MUC13: variants seen among roughly 807,000 people sequenced by gnomAD.
The protein encoded by MUC13 is mucin-13.
MUC13 carries 32 observed loss-of-function variants against 48.3 expected under a neutral mutation model. The ratio of observed to expected loss-of-function variants is 0.66; its 90% confidence interval spans 0.50 to 0.89. The LOEUF (loss-of-function observed/expected upper bound fraction) is 0.89, where lower values mean the gene tolerates loss of function less well. MUC13 is among the 40% of genes least tolerant of loss of function. The pLI is 0.00. For synonymous variants in MUC13, 199 were observed against 224.9 expected (o/e 0.88, Z 1.03); for missense variants, 571 against 622.8 (o/e 0.92, Z 0.88).
Position 124,927,587 on chromosome 3 carries a change from T to C in MUC13, c.459A>G (p.Ser153=). 1 of 1,614,246 alleles carries C rather than the reference T, an allele frequency of 6.2e-7. No homozygotes were observed. The highest frequency in any genetic ancestry group is 8.5e-7 in the Non-Finnish European group (1 of 1,180,036). The change falls in exon 2 of 12, where the codon TCA becomes TCG. Residue 153 remains serine, a synonymous_variant. Transcript: ENST00000616727. ...EMSPTTEDNQ[S]SGPPTGTALL... is the part of the protein sequence containing the mutation. ...AAGCGGTGCCAGTGGGAGGCCCTGA[T>C]GATTGATTGTCTTCTGTGGTGGGGG...
At position 124,923,102 on chromosome 3, in the gene MUC13, G is replaced by GAAAA. The variant is rs60674640; in HGVS notation, c.637+421_637+424dup. Among the ~76,000 whole-genome samples, 61 of 141,618 alleles carry GAAAA rather than the reference G, an allele frequency of 4.3e-4. 1 individual carries two copies. Among genetic ancestry groups the GAAAA allele is most frequent in the African/African-American group, 9.7e-4 (37 of 38,228 alleles). The allele number at this position is 141,618 out of a possible 152,430, so 92.9% of individuals were successfully genotyped here. On this transcript the variant is annotated intron_variant, in intron 3 of 11. Transcript: ENST00000616727. ...GAAGATATTTCTCATTCATAAAACAGAAAAAAAAAAAAAACAGAACTCAGA... is the reference window on the plus strand; with the variant it reads ...GAAGATATTTCTCATTCATAAAACAGAAAAAAAAAAAAAAAAAACAGAACTCAGA...
intron 4 of MUC13, 148 bp downstream of exon 4, chr3:124,922,049 G>A (rs1360823820): frequency 1.1e-6 from 1 of 920,508 alleles, no homozygotes; most frequent in Non-Finnish European, 1.5e-6. Context: ...GACAGCTGCT[G>A]TTTACCGACC....
intron 2 of MUC13, 25 bp downstream of exon 2, chr3:124,927,507 G>A (rs1452693676): frequency 4.4e-6 from 7 of 1,603,208 alleles, no homozygotes; most frequent in East Asian, 2.2e-5. Flanking sequence ...CATCCTTGGG[G>A]AGTCTTTGAG....
At chr3:124,915,833 G>T (rs1305422089) in intron 6 of MUC13, among the ~76,000 whole-genome samples, 1 of 152,064 alleles carries the variant, frequency 6.6e-6, no homozygotes. Context: ...CCACAGACCT[G>T]CACCACCACA....
At chr3:124,929,001 T>C (rs138209492) in intron 1 of MUC13, among the ~76,000 whole-genome samples, 1 of 152,280 alleles carries the variant, frequency 6.6e-6, no homozygotes, top group Non-Finnish European at 1.5e-5. Flanking sequence ...CTAGTAGTGT[T>C]TTCCCATTCA....
intron 1 of MUC13, among the ~76,000 whole-genome samples, chr3:124,931,937 T>A (rs34325787): frequency 0.24 from 34,757 of 146,884 alleles, 4,327 homozygotes; most frequent in Middle Eastern, 0.36. Context: ...CCCAGCTACT[T>A]GGGAAGCTGA....
chr3:124,926,760 C>T (rs187657955), intron 2 of MUC13, among the ~76,000 whole-genome samples: 6 of 152,184 alleles, frequency 3.9e-5, no homozygotes, highest in Non-Finnish European at 7.3e-5. Flanking sequence ...ATCTGACCAA[C>T]CTTTTGTTTG....
intron 2 of MUC13, among the ~76,000 whole-genome samples, chr3:124,924,061 A>C (rs1935649278): frequency 6.6e-6 from 1 of 152,228 alleles, no homozygotes; most frequent in Admixed American, 6.5e-5. Flanking sequence ...AAAGGTATGA[A>C]TAATTGTCAT....
intron 1 of MUC13, among the ~76,000 whole-genome samples, chr3:124,933,814 T>C (rs1935838296): frequency 1.3e-5 from 2 of 152,310 alleles, no homozygotes; most frequent in Admixed American, 6.5e-5. Context: ...CAGTGATTTT[T>C]CTGCAAAATT....
intron 1 of MUC13, among the ~76,000 whole-genome samples, chr3:124,929,170 C>CTTTTTTTTTTTTTTTTTTTTTTTT (rs1238533365): frequency 7.4e-6 from 1 of 134,400 alleles, no homozygotes; most frequent in African/African-American, 2.8e-5. Flanking sequence ...TTCCCCCACT[C>CTTTTTTTTTTTTTTTTTTTTTTTT]TTTTATTTTA....
chr3:124,916,826 G>A (rs1006980229), intron 5 of MUC13, among the ~76,000 whole-genome samples: 8 of 152,170 alleles, frequency 5.3e-5, no homozygotes, highest in African/African-American at 1.9e-4. Flanking sequence ...TACCTGAAAT[G>A]GGAAATTGTC....
In MUC13 at chr3:124,906,387, G is replaced by A. The variant is rs773264537; in HGVS notation, c.*356C>T. ...GTTTGCCCAGGAGCAAGCAATGCTGGGGAGCTTTCCTCTAGATTGGAAATG... is the reference window on the plus strand; with the variant it reads ...GTTTGCCCAGGAGCAAGCAATGCTGAGGAGCTTTCCTCTAGATTGGAAATG... On this transcript the variant is annotated 3_prime_UTR_variant, in exon 12 of 12. Transcript: ENST00000616727. 1 of 152,382 alleles carries A rather than the reference G, an allele frequency of 6.6e-6. No homozygotes were observed. The highest frequency in any genetic ancestry group is 1.5e-5 in the Non-Finnish European group (1 of 68,040). The allele number at this position is 152,382 out of a possible 1,614,324, so 9.4% of individuals were successfully genotyped here.
At chr3:124,916,622 C>CG in intron 5 of MUC13, 142 bp from the exon 6 acceptor site, 1 of 811,590 alleles carries the variant, frequency 1.2e-6, no homozygotes, top group Non-Finnish European at 2.0e-6. Flanking sequence ...ATATGGAGGC[C>CG]GGGGGCTGCA....
chr3:124,930,644 T>C (rs1322003706), intron 1 of MUC13, among the ~76,000 whole-genome samples: 2 of 152,210 alleles, frequency 1.3e-5, no homozygotes, highest in Admixed American at 1.3e-4. Flanking sequence ...GTACAAATCA[T>C]AGGTTTCAAT....
chr3:124,914,851 G>A (rs368866891), intron 6 of MUC13, among the ~76,000 whole-genome samples: 29 of 152,208 alleles, frequency 1.9e-4, no homozygotes, highest in Middle Eastern at 3.4e-3. Flanking sequence ...GCTTGAACCC[G>A]GGAGTTGGAG....
At chr3:124,933,010 G>T (rs1210310671) in intron 1 of MUC13, among the ~76,000 whole-genome samples, 4 of 152,016 alleles carry the variant, frequency 2.6e-5, no homozygotes, top group African/African-American at 9.7e-5. Context: ...AGTGGCTCCT[G>T]AAAGTCATAC....
At chr3:124,919,355 G>GTTT (rs1491182464) in intron 5 of MUC13, among the ~76,000 whole-genome samples, 2 of 119,420 alleles carry the variant, frequency 1.7e-5, no homozygotes, top group Non-Finnish European at 3.5e-5. Context: ...AAAAAAAAAT[G>GTTT]GTTTTTTTTT....
At chr3:124,912,985 G>T in intron 8 of MUC13, 126 bp downstream of exon 8, 4 of 786,552 alleles carry the variant, frequency 5.1e-6, no homozygotes, top group Non-Finnish European at 7.5e-6. Context: ...TGATGAGGAT[G>T]CTGTCTCTAC....
At chr3:124,917,245 A>G (rs1418613273) in intron 5 of MUC13, among the ~76,000 whole-genome samples, 2 of 152,030 alleles carry the variant, frequency 1.3e-5, no homozygotes, top group African/African-American at 2.4e-5. Context: ...AAACAGGGGG[A>G]AAAATGACTT....
Sources: gnomAD v4.1 joint callset for allele counts (sites outside exome capture counted in the v4.1 genomes callset) on GRCh38, gnomAD v4.1.1 for gene constraint, MANE v1.5 for transcripts, NCBI Gene and HGNC (gene_info 2026-07-23, HGNC 2026-07-21) for gene names.